The following HIVEP1 variants were observed in gnomAD, a reference collection of about 807,000 sequenced individuals.
The protein encoded by HIVEP1 is zinc finger protein 40.
A neutral mutation model predicts 180.0 loss-of-function variants in HIVEP1; 36 were observed. That is an observed-to-expected ratio of 0.20 (90% confidence interval 0.15 to 0.26). HIVEP1 has a LOEUF of 0.26. Among genes scored for constraint, HIVEP1 ranks in the 10% least tolerant of loss-of-function variants. The probability of loss-of-function intolerance (pLI) is 1.00; values close to 1 mark genes in which losing one functional copy is unlikely to be tolerated. For missense variants in HIVEP1, 3,143 were observed against 3,268.7 expected (o/e 0.96, Z 0.94); for synonymous variants, 1,239 against 1,239.0 (o/e 1.00, Z 0.00).
At chr6:12,084,808 C>T (rs910852643) in intron 2 of HIVEP1, among the ~76,000 whole-genome samples, 1 of 151,954 alleles carries the variant, frequency 6.6e-6, no homozygotes, top group Non-Finnish European at 1.5e-5. Flanking sequence ...GGTGCTAGCG[C>T]AGAGGCTATA....
the HIVEP1 span, among the ~76,000 whole-genome samples, chr6:12,199,450 C>A: frequency 1.3e-5 from 2 of 149,822 alleles, no homozygotes; most frequent in Non-Finnish European, 3.0e-5. Context: ...CAACCTCCAC[C>A]TCCCAGGTTC....
chr6:12,164,412 G>A lies in HIVEP1; in HGVS notation c.8108G>A (p.Ser2703Asn). ...LPRRQPTVHF[S>N]DVSSDDDEDR... Reference sequence around the variant, plus strand: ...CGGAGGCAGCCCACTGTGCACTTCAGCGACGTGAGCAGCGATGATGACGAG... The same window carrying A: ...CGGAGGCAGCCCACTGTGCACTTCAACGACGTGAGCAGCGATGATGACGAG... The change falls in exon 9 of 9, where the codon AGC (serine) becomes AAC (asparagine). Residue 2703 changes from serine (S) to asparagine (N), a missense_variant. By Grantham distance (46) the Ser-to-Asn change is conservative. Transcript: ENST00000379388. 1 of 1,613,940 alleles carries A rather than the reference G, an allele frequency of 6.2e-7. No individual in the cohort carries two copies. Among genetic ancestry groups the A allele is most frequent in the South Asian group, 1.1e-5 (1 of 91,052 alleles).
At chr6:12,144,905 C>G (rs1198670435) in intron 7 of HIVEP1, among the ~76,000 whole-genome samples, 1 of 152,166 alleles carries the variant, frequency 6.6e-6, no homozygotes, top group African/African-American at 2.4e-5. Context: ...AATCGGAACG[C>G]TTTTACACTA....
chr6:12,068,532 G>A (rs939992554), intron 2 of HIVEP1, among the ~76,000 whole-genome samples: 7 of 152,134 alleles, frequency 4.6e-5, no homozygotes, highest in African/African-American at 9.7e-5. Context: ...GAGGAAACAG[G>A]CATCAAATAA....
chr6:12,168,367 CA>C (rs1346102261), downstream of HIVEP1, among the ~76,000 whole-genome samples: 8 of 110,264 alleles, frequency 7.3e-5, no homozygotes, highest in Non-Finnish European at 1.3e-4. Context: ...ATATTATATA[CA>C]TATACATGTA....
intron 2 of HIVEP1, among the ~76,000 whole-genome samples, chr6:12,019,509 C>T (rs925129918): frequency 5.9e-5 from 9 of 152,092 alleles, no homozygotes; most frequent in Non-Finnish European, 1.0e-4. Context: ...ATAAGAAATG[C>T]GGGGAGAGGA....
At chr6:12,181,869 A>AT in the HIVEP1 span, among the ~76,000 whole-genome samples, 1 of 152,056 alleles carries the variant, frequency 6.6e-6, no homozygotes, top group Admixed American at 6.6e-5. Context: ...TTAAAATCCC[A>AT]TTTTTTTCTC....
chr6:12,110,002 T>A (rs1362791411), intron 3 of HIVEP1, among the ~76,000 whole-genome samples: 1 of 152,218 alleles, frequency 6.6e-6, no homozygotes, highest in Non-Finnish European at 1.5e-5. Context: ...TTCTTATACA[T>A]CTCCATCAGA....
downstream of HIVEP1, among the ~76,000 whole-genome samples, chr6:12,166,713 C>G (rs1167456578): frequency 2.6e-5 from 4 of 152,130 alleles, no homozygotes; most frequent in Admixed American, 2.6e-4. Context: ...AAACGACTTC[C>G]AAATAATGTA....
chr6:12,170,951 C>T, the HIVEP1 span, among the ~76,000 whole-genome samples: 3 of 152,032 alleles, frequency 2.0e-5, no homozygotes, highest in South Asian at 4.1e-4. Context: ...TTTTAGTTGG[C>T]GGACTGAATA....
chr6:12,143,277 A>G (rs898843630), intron 7 of HIVEP1, among the ~76,000 whole-genome samples: 45 of 152,244 alleles, frequency 3.0e-4, no homozygotes, highest in Non-Finnish European at 5.1e-4. Flanking sequence ...AGAACCAATG[A>G]CAAAAACCAC....
At chr6:12,197,737 T>C in the HIVEP1 span, among the ~76,000 whole-genome samples, 2 of 152,050 alleles carry the variant, frequency 1.3e-5, no homozygotes, top group Admixed American at 6.6e-5. Context: ...GATTTGCATT[T>C]CAGAGGGATC....
rs78619250 is a variant in HIVEP1 at position 12,014,765 on chromosome 6, G to A, written c.-103-761G>A. Among the ~76,000 whole-genome samples the A allele has an allele frequency of 0.012, 1,780 of 152,310 alleles. 65 individuals carry two copies. In the East Asian group the frequency reaches 0.15, roughly 13 times the overall value. ...TTCAGATCACTGTGTTTTAAAATCT[G>A]TAAGTCAGGACAGGCTAGGTTGTGC... On this transcript the variant is annotated intron_variant, in intron 1 of 8. Transcript: ENST00000379388.
At chr6:12,202,951 T>A in the HIVEP1 span, among the ~76,000 whole-genome samples, 4 of 152,246 alleles carry the variant, frequency 2.6e-5, no homozygotes, top group African/African-American at 9.6e-5. Context: ...CTGTAATGAA[T>A]GTAAACACAG....
At chr6:12,033,497 G>T (rs1020531025) in intron 2 of HIVEP1, among the ~76,000 whole-genome samples, 1 of 152,148 alleles carries the variant, frequency 6.6e-6, no homozygotes, top group Non-Finnish European at 1.5e-5. Context: ...AACCTTGCTG[G>T]ACCACAGCCC....
At chr6:12,181,126 C>T in the HIVEP1 span, among the ~76,000 whole-genome samples, 10 of 152,100 alleles carry the variant, frequency 6.6e-5, no homozygotes, top group African/African-American at 1.7e-4. Context: ...TTTGGGAGGC[C>T]GAGGCAGGTG....
chr6:12,104,425 C>CTTTTTTTTTTTTTTTTTTTTTTTT (rs70981665), intron 3 of HIVEP1, among the ~76,000 whole-genome samples: 2 of 72,792 alleles, frequency 2.7e-5, no homozygotes, highest in Non-Finnish European at 2.5e-5. Context: ...CTTTTCTTTC[C>CTTTTTTTTTTTTTTTTTTTTTTTT]TTTTTTTTTT....
chr6:12,161,554 A>C lies in HIVEP1; in HGVS notation c.6603A>C (p.Ser2201=). Residue 2201 remains serine (S), a synonymous_variant, in exon 8 of 9, where the codon TCA becomes TCC. Coordinates refer to ENST00000379388, the MANE Select transcript of HIVEP1 (RefSeq NM_002114.4). ...EDDDEDSQAE[S]VLSATPSVTA... ...ATGATGAGGACAGCCAGGCTGAATC[A>C]GTCCTGTCAGCCACACCCTCAGTCA... The C allele has an allele frequency of 6.2e-7, 1 of 1,614,138 alleles. No homozygotes were observed.
At chr6:12,031,870 A>G (rs1007916301) in intron 2 of HIVEP1, among the ~76,000 whole-genome samples, 1 of 152,094 alleles carries the variant, frequency 6.6e-6, no homozygotes, top group African/African-American at 2.4e-5. Flanking sequence ...AATGTGTACC[A>G]TTCTGTCCTC....
Sources: gnomAD v4.1 joint callset for allele counts (sites outside exome capture counted in the v4.1 genomes callset) on GRCh38, gnomAD v4.1.1 for gene constraint, MANE v1.5 for transcripts, NCBI Gene and HGNC (gene_info 2026-07-23, HGNC 2026-07-21) for gene names.